TMEM132B: variants seen among roughly 807,000 people sequenced by gnomAD.
TMEM132B encodes the protein transmembrane protein 132B.
In TMEM132B, 18 loss-of-function variants were observed where a neutral mutation model predicts 90.8. The ratio of observed to expected loss-of-function variants is 0.20; its 90% confidence interval spans 0.14 to 0.29. The LOEUF (loss-of-function observed/expected upper bound fraction) is 0.29. TMEM132B is among the 10% of genes least tolerant of loss of function. The pLI, the probability that TMEM132B is intolerant of heterozygous loss-of-function variation, is 1.00. For synonymous variants in TMEM132B, 504 were observed against 523.3 expected (o/e 0.96, Z 0.50); for missense variants, 1,096 against 1,326.8 (o/e 0.83, Z 2.70).
chr12:125,399,460 TG>T (rs1566023196), intron 2 of TMEM132B, among the ~76,000 whole-genome samples: 4 of 85,552 alleles, frequency 4.7e-5, no homozygotes, highest in South Asian at 4.2e-4. Context: ...AAGAAGGAAG[TG>T]TGTGTGTGTG....
At chr12:125,485,191 G>C (rs1882169115) in intron 3 of TMEM132B, among the ~76,000 whole-genome samples, 1 of 152,220 alleles carries the variant, frequency 6.6e-6, no homozygotes, top group Admixed American at 6.5e-5. Context: ...GAGAAAATCA[G>C]TCTGGTGTCT....
chr12:125,255,285 T>TTCTC (rs151173221), intron 1 of TMEM132B, among the ~76,000 whole-genome samples: 1 of 149,784 alleles, frequency 6.7e-6, no homozygotes, highest in Non-Finnish European at 1.5e-5. Context: ...CTTTCTTTCT[T>TTCTC]TCTCTCTCTC....
intron 5 of TMEM132B, among the ~76,000 whole-genome samples, chr12:125,642,101 G>C (rs1336983725): frequency 1.3e-5 from 2 of 152,166 alleles, no homozygotes; most frequent in East Asian, 3.9e-4. Context: ...AGGTCTTACT[G>C]AGCCTTCACC....
At chr12:125,188,438 C>T (rs939770928) in intron 1 of TMEM132B, among the ~76,000 whole-genome samples, 12 of 152,140 alleles carry the variant, frequency 7.9e-5, no homozygotes, top group Non-Finnish European at 4.4e-5. Flanking sequence ...CCACGGGGGT[C>T]AGCATTTGCC....
chr12:125,609,975 A>ATT (rs77671130), intron 5 of TMEM132B, among the ~76,000 whole-genome samples: 49 of 150,806 alleles, frequency 3.2e-4, no homozygotes, highest in African/African-American at 1.1e-3. Flanking sequence ...ATTCCTAAGT[A>ATT]TTTTTTTTCT....
chr12:125,438,855 G>C (rs7488300), intron 3 of TMEM132B, among the ~76,000 whole-genome samples: 3 of 152,010 alleles, frequency 2.0e-5, no homozygotes, highest in African/African-American at 7.2e-5. Context: ...TTTTGCTGAA[G>C]GTAGCATTTC....
chr12:125,223,284 C>T (rs1173745314), intron 1 of TMEM132B, among the ~76,000 whole-genome samples: 1 of 152,156 alleles, frequency 6.6e-6, no homozygotes, highest in African/African-American at 2.4e-5. Context: ...TTACAGAAGT[C>T]AAATGAGAAG....
At position 125,390,127 on chromosome 12, in the gene TMEM132B, C is replaced by T. The variant is rs540585913; in HGVS notation, c.960-25404C>T. Among the ~76,000 whole-genome samples, 115 of 152,290 alleles carry T rather than the reference C, an allele frequency of 7.6e-4. 3 individuals carry two copies. The South Asian group carries it at 0.022, about 29-fold the overall frequency. The stretch of plus-strand genomic sequence containing the variant: ...ACACAAATCCATGACCCAGCAATTC[C>T]ACTCCTAGCTAAATATTCAACAGCA... On this transcript the variant is annotated intron_variant, in intron 2 of 8. Coordinates refer to ENST00000682704, the MANE Select transcript of TMEM132B (RefSeq NM_001366854.1).
chr12:125,191,109 G>GGGA (rs140237385), intron 1 of TMEM132B, among the ~76,000 whole-genome samples: 1 of 50,484 alleles, frequency 2.0e-5, no homozygotes, highest in Admixed American at 2.3e-4. Flanking sequence ...GATGGGGAAG[G>GGGA]GGTGGTGGTG....
chr12:125,490,462 T>A lies in TMEM132B; in HGVS notation c.1107-28977T>A, dbSNP rs1882319073. Among the ~76,000 whole-genome samples, 2 of 152,216 alleles carry A rather than the reference T, an allele frequency of 1.3e-5. No individual in the cohort carries two copies. The highest frequency in any genetic ancestry group is 3.4e-3 in the Middle Eastern group (1 of 294). ...AGGTGAAACTTAATTTATTTTATTT[T>A]ATTTATTTATTTATTTTTTGAGACA... On this transcript the variant is annotated intron_variant, in intron 3 of 8. Transcript: ENST00000682704. This position sits in a 1 kb window ranked among gnomAD's most constrained non-coding sequence, Gnocchi z 4.2.
chr12:125,366,374 C>G (rs1031890015), intron 2 of TMEM132B, among the ~76,000 whole-genome samples: 11 of 152,090 alleles, frequency 7.2e-5, no homozygotes, highest in Admixed American at 3.9e-4. Context: ...GATGATTACC[C>G]ACCAACAATG....
intron 3 of TMEM132B, among the ~76,000 whole-genome samples, chr12:125,500,733 T>TA (rs1882674683): frequency 6.6e-6 from 1 of 152,176 alleles, no homozygotes; most frequent in African/African-American, 2.4e-5. Context: ...GCTGTGAGGT[T>TA]ACGTGGATGT....
chr12:125,505,262 G>GTTA (rs985523573), intron 3 of TMEM132B, among the ~76,000 whole-genome samples: 11 of 147,882 alleles, frequency 7.4e-5, no homozygotes, highest in East Asian at 2.0e-4. Context: ...TTATAAGGTA[G>GTTA]TTATTATTAT....
chr12:125,443,803 A>T (rs1363187977), intron 3 of TMEM132B, among the ~76,000 whole-genome samples: 1 of 152,234 alleles, frequency 6.6e-6, no homozygotes, highest in Non-Finnish European at 1.5e-5. Context: ...TTTTAAAAAT[A>T]TAAAATCTGT....
intron 1 of TMEM132B, among the ~76,000 whole-genome samples, chr12:125,195,571 G>C (rs1024005650): frequency 2.6e-5 from 4 of 151,852 alleles, no homozygotes; most frequent in African/African-American, 9.7e-5. Context: ...GCTAATTTTT[G>C]TATTTTTAGT....
chr12:125,374,726 T>C (rs1593111253), intron 2 of TMEM132B, among the ~76,000 whole-genome samples: 1 of 151,282 alleles, frequency 6.6e-6, no homozygotes, highest in East Asian at 2.0e-4. Context: ...CTTGTATCCC[T>C]TGGTGCTCAC....
intron 7 of TMEM132B, 49 bp downstream of exon 7, chr12:125,651,002 C>G (rs1314782206): frequency 6.2e-7 from 1 of 1,600,446 alleles, no homozygotes; most frequent in South Asian, 1.1e-5. Flanking sequence ...TGATGAGTGG[C>G]CAGGTAGATG....
rs78911769 is a variant in TMEM132B, at chr12:125,402,915, G to C, written c.960-12616G>C. Reference sequence around the variant, plus strand: ...GTTATTATGTAAGTGAGATAAAAATGGTTCCTGCTCATTGGCCCCTGTGTT... The same window carrying C: ...GTTATTATGTAAGTGAGATAAAAATCGTTCCTGCTCATTGGCCCCTGTGTT... On this transcript the variant is annotated intron_variant, in intron 2 of 8. Coordinates refer to ENST00000682704, the MANE Select transcript of TMEM132B (RefSeq NM_001366854.1). Among the ~76,000 whole-genome samples the C allele has an allele frequency of 6.5e-3, 993 of 152,188 alleles. 15 individuals carry two copies. Among genetic ancestry groups the C allele is most frequent in the African/African-American group, 0.023 (941 of 41,502 alleles).
intron 3 of TMEM132B, among the ~76,000 whole-genome samples, chr12:125,463,886 C>T (rs1253859483): frequency 1.3e-5 from 2 of 152,182 alleles, no homozygotes. Context: ...AACTTAGAAT[C>T]ATGGCGGAAG....
Sources: allele counts gnomAD v4.1 joint callset (sites outside exome capture counted in the v4.1 genomes callset), GRCh38; gene constraint gnomAD v4.1.1; non-coding constraint Gnocchi (gnomAD v3.1); transcripts MANE v1.5; gene names NCBI Gene and HGNC (gene_info 2026-07-23, HGNC 2026-07-21).